Variants in CACNA2D3 observed in about 807,000 individuals in gnomAD.
CACNA2D3 encodes voltage-dependent calcium channel subunit alpha-2/delta-3.
Under a neutral mutation model 160.6 loss-of-function variants are expected in CACNA2D3, and 60 were observed. The observed-to-expected ratio is 0.37, with a 90% CI of 0.30 to 0.46. CACNA2D3 has a LOEUF of 0.46. Among genes scored for constraint, CACNA2D3 ranks in the 20% least tolerant of loss-of-function variants. The pLI is 1.00. For synonymous variants in CACNA2D3, 558 were observed against 492.9 expected (o/e 1.13, Z -1.75); for missense variants, 1,205 against 1,365.0 (o/e 0.88, Z 1.85).
rs1185644962 is a variant in CACNA2D3 at position 54,837,155 on chromosome 3, C to G, written c.1399-4C>G. The G allele has an allele frequency of 1.9e-6, 3 of 1,613,646 alleles. No individual in the cohort carries two copies. Among genetic ancestry groups the G allele is most frequent in the Admixed American group, 1.7e-5 (1 of 59,996 alleles). ...CCGGTAACTGGCTTTTCTCTTCCAT[C>G]CAGCTGACTGATGATCAGGGCCCCG... On this transcript the variant is annotated splice_region_variant and splice_polypyrimidine_tract_variant and intron_variant, in intron 14 of 37. Transcript: ENST00000474759.
intron 31 of CACNA2D3, among the ~76,000 whole-genome samples, chr3:54,997,734 A>G (rs1434115316): frequency 1.3e-5 from 2 of 152,180 alleles, no homozygotes; most frequent in Non-Finnish European, 2.9e-5. Context: ...AAGAGAAAAG[A>G]AAAGGAAAGA....
At chr3:54,520,304 T>G (rs1389672166) in intron 5 of CACNA2D3, among the ~76,000 whole-genome samples, 1 of 151,790 alleles carries the variant, frequency 6.6e-6, no homozygotes, top group South Asian at 2.1e-4. Flanking sequence ...AAGGGAAGAG[T>G]GTCTTGGCCC....
At chr3:54,991,616 A>G (rs903479496) in intron 31 of CACNA2D3, among the ~76,000 whole-genome samples, 3 of 148,514 alleles carry the variant, frequency 2.0e-5, no homozygotes, top group Admixed American at 2.0e-4. Flanking sequence ...TCATGTATCT[A>G]GGGAAAAGGG....
chr3:54,474,654 AAGAG>A (rs150294820), intron 4 of CACNA2D3, among the ~76,000 whole-genome samples: 2 of 152,040 alleles, frequency 1.3e-5, no homozygotes, highest in Admixed American at 6.6e-5. Flanking sequence ...AGGAAAGATT[AAGAG>A]AGAGAGAAAT....
chr3:54,836,226 C>CTTTT (rs71096454), intron 14 of CACNA2D3, among the ~76,000 whole-genome samples: 24 of 92,702 alleles, frequency 2.6e-4, no homozygotes, highest in African/African-American at 4.3e-4. Context: ...TTTTTTTTTT[C>CTTTT]TTTTTTTTTT....
chr3:54,644,308 A>T (rs1699589459), intron 11 of CACNA2D3, among the ~76,000 whole-genome samples: 1 of 152,058 alleles, frequency 6.6e-6, no homozygotes. Context: ...ATCAAGCAGA[A>T]GTGGATTTTC....
At chr3:55,027,051 T>C (rs1365496972) in intron 35 of CACNA2D3, among the ~76,000 whole-genome samples, 1 of 152,178 alleles carries the variant, frequency 6.6e-6, no homozygotes, top group African/African-American at 2.4e-5. Context: ...ACTTGTTCTC[T>C]TCCTCCTCCT....
chr3:54,768,017 G>A (rs918391933), intron 13 of CACNA2D3, among the ~76,000 whole-genome samples: 4 of 152,154 alleles, frequency 2.6e-5, no homozygotes, highest in African/African-American at 9.7e-5. Flanking sequence ...GATGGAGTTG[G>A]AAAATCACTA....
chr3:54,305,703 G>T (rs748689185), intron 2 of CACNA2D3, among the ~76,000 whole-genome samples: 1 of 152,184 alleles, frequency 6.6e-6, no homozygotes, highest in Non-Finnish European at 1.5e-5. Flanking sequence ...GTGCACAGAG[G>T]TGCTGAACCT....
At chr3:54,968,423 C>T in intron 27 of CACNA2D3, 27 bp from the exon 28 acceptor site, 2 of 1,529,818 alleles carry the variant, frequency 1.3e-6, no homozygotes, top group Non-Finnish European at 1.8e-6. Flanking sequence ...ATCACTAATG[C>T]CTTGTTTTAT....
chr3:54,984,086 C>T lies in CACNA2D3; in HGVS notation c.2557-522C>T, dbSNP rs567088822. On this transcript the variant is annotated intron_variant, in intron 29 of 37. Coordinates refer to ENST00000474759, the MANE Select transcript of CACNA2D3 (RefSeq NM_018398.3). ...GAGGGGCCCCTTTAACAGAAGTCTG[C>T]CCCTTCCCCCCTGCCTCAGTCTATG... is the stretch of plus-strand genomic sequence containing the variant. Among the ~76,000 whole-genome samples the T allele has an allele frequency of 3.6e-3, 542 of 152,286 alleles. 4 individuals are homozygous for T. Among genetic ancestry groups the T allele is most frequent in the African/African-American group, 0.012 (515 of 41,552 alleles).
chr3:54,924,570 C>G (rs776978381), intron 27 of CACNA2D3: 6 of 1,437,390 alleles, frequency 4.2e-6, no homozygotes, highest in Non-Finnish European at 5.8e-6. Context: ...TGAGATTCAT[C>G]CTAGGCTGGT....
chr3:54,142,121 T>C (rs913581011), intron 2 of CACNA2D3, among the ~76,000 whole-genome samples: 1 of 152,222 alleles, frequency 6.6e-6, no homozygotes, highest in African/African-American at 2.4e-5. Flanking sequence ...GGAATTACTA[T>C]GACAGAAAGG....
chr3:54,626,156 A>G lies in CACNA2D3; in HGVS notation c.964-1631A>G, dbSNP rs764091660. 13 of 659,688 alleles carry G rather than the reference A, an allele frequency of 2.0e-5. No homozygotes were observed. The Admixed American group carries it at 2.3e-4, about 11-fold the overall frequency. 40.9% of individuals were successfully genotyped at this position (659,688 alleles called of 1,614,324 possible). A position where few individuals can be genotyped will look rare whatever the true frequency, so the allele number is the denominator to read the frequency against. ...CCATTTCAATAGAAAAAGCAAGGGG[A>G]GTCTCACGATAACTGCGCAGGCGCG... On this transcript the variant is annotated intron_variant, in intron 9 of 37. Transcript: ENST00000474759.
chr3:54,726,828 T>C (rs1448140325), intron 11 of CACNA2D3, among the ~76,000 whole-genome samples: 2 of 152,170 alleles, frequency 1.3e-5, no homozygotes, highest in African/African-American at 2.4e-5. Context: ...GAAACGTGGG[T>C]AATACCATTC....
intron 4 of CACNA2D3, among the ~76,000 whole-genome samples, chr3:54,497,323 G>A (rs1221589284): frequency 2.0e-5 from 3 of 151,880 alleles, no homozygotes; most frequent in Non-Finnish European, 2.9e-5. Flanking sequence ...TACAGGCATT[G>A]CACATAGTTT....
At chr3:54,508,187 A>T (rs1701402760) in intron 5 of CACNA2D3, among the ~76,000 whole-genome samples, 1 of 152,184 alleles carries the variant, frequency 6.6e-6, no homozygotes, top group African/African-American at 2.4e-5. Flanking sequence ...GCAGTTATGG[A>T]GCCTGGAAGG....
intron 3 of CACNA2D3, among the ~76,000 whole-genome samples, chr3:54,344,010 A>G (rs920613407): frequency 1.3e-5 from 2 of 152,222 alleles, no homozygotes; most frequent in African/African-American, 4.8e-5. Context: ...TGATAGAAAT[A>G]TGCATTTTAA....
intron 20 of CACNA2D3, among the ~76,000 whole-genome samples, chr3:54,880,011 T>A (rs1699755444): frequency 6.6e-6 from 1 of 152,236 alleles, no homozygotes; most frequent in Admixed American, 6.5e-5. Flanking sequence ...ATTATTTCAG[T>A]AAGCCTGCTT....
Sources: gnomAD v4.1 joint callset for allele counts (sites outside exome capture counted in the v4.1 genomes callset) on GRCh38, gnomAD v4.1.1 for gene constraint, MANE v1.5 for transcripts, NCBI Gene and HGNC (gene_info 2026-07-23, HGNC 2026-07-21) for gene names.